FBXL2: variants seen among roughly 807,000 people sequenced by gnomAD.
FBXL2 encodes the protein F-box and leucine rich repeat protein 2.
Under a neutral mutation model 69.2 loss-of-function variants are expected in FBXL2, and 38 were observed. The ratio of observed to expected loss-of-function variants is 0.55; its 90% confidence interval spans 0.42 to 0.72. The LOEUF is 0.72. FBXL2 is among the 30% of genes least tolerant of loss of function. FBXL2 has a pLI of 0.00. For synonymous variants in FBXL2, 192 were observed against 201.3 expected (o/e 0.95, Z 0.39); for missense variants, 354 against 520.3 (o/e 0.68, Z 3.11).
At chr3:33,412,336 GAAAAAAATAA>G in the FBXL2 span, among the ~76,000 whole-genome samples, 2 of 151,462 alleles carry the variant, frequency 1.3e-5, no homozygotes, top group East Asian at 3.9e-4. Flanking sequence ...ACGAGGATGG[GAAAAAAATAA>G]AAAGAAAATA....
At chr3:33,422,133 T>C in the FBXL2 span, among the ~76,000 whole-genome samples, 2 of 152,232 alleles carry the variant, frequency 1.3e-5, no homozygotes, top group Non-Finnish European at 2.9e-5. Context: ...TTTGTTTGTC[T>C]TATTACTTTA....
chr3:33,364,596 T>G, intron 4 of FBXL2, 29 bp from the exon 5 acceptor site: 1 of 1,595,044 alleles, frequency 6.3e-7, no homozygotes, highest in South Asian at 1.1e-5. Context: ...AAAACAGTAT[T>G]TTTTCCTCCC....
Position 33,384,084 on chromosome 3 carries a change from C to T in FBXL2, c.1047C>T (p.Asp349=). The T allele has an allele frequency of 1.2e-6, 2 of 1,614,170 alleles. No individual in the cohort carries two copies. Among genetic ancestry groups the T allele is most frequent in the African/African-American group, 2.7e-5 (2 of 75,040 alleles). The change falls in exon 14 of 15, where the codon GAC becomes GAT. Residue 349 remains aspartate, a synonymous_variant. Coordinates refer to ENST00000484457, the MANE Select transcript of FBXL2 (RefSeq NM_012157.5). ...AGAGGCTGCGGGTACTGGAGTTGGACAACTGCCTCCTCATCACTGATGTGG... is the reference window on the plus strand; with the variant it reads ...AGAGGCTGCGGGTACTGGAGTTGGATAACTGCCTCCTCATCACTGATGTGG... ...GHERLRVLEL[D]NCLLITDVAL...
intron 13 of FBXL2, among the ~76,000 whole-genome samples, chr3:33,381,977 G>C (rs190800724): frequency 6.6e-6 from 1 of 152,138 alleles, no homozygotes; most frequent in African/African-American, 2.4e-5. Flanking sequence ...CCCTTCCCTC[G>C]AGGTGGTACT....
intron 2 of FBXL2, among the ~76,000 whole-genome samples, chr3:33,345,734 CAGAA>C (rs1459033909): frequency 2.6e-5 from 4 of 152,060 alleles, no homozygotes; most frequent in Admixed American, 1.3e-4. Flanking sequence ...AAATCAATAA[CAGAA>C]AGCCAAAAAT....
Position 33,396,341 on chromosome 3 carries a change from ATATGACAACTACAGGAATC to A in FBXL2, n.1215-6890_1215-6872del, listed in dbSNP as rs1270041642. 4.1e-6 allele frequency: 5 copies of A among 1,225,566 alleles called. No individual in the cohort carries two copies. The African/African-American group carries it at 7.5e-5, about 18-fold the overall frequency. The allele number at this position is 1,225,566 out of a possible 1,614,324, so 75.9% of individuals were successfully genotyped here. On this transcript the variant is annotated intron_variant and non_coding_transcript_variant, in intron 12 of 12. Transcript: ENST00000463736. Reference sequence around the variant, plus strand: ...AGAAAGCTGCCTTACACATGTACAAATATGACAACTACAGGAATCTAAGTTCTATTTCCTTATGAGAACT... The same window carrying A: ...AGAAAGCTGCCTTACACATGTACAAATAAGTTCTATTTCCTTATGAGAACT...
intron 2 of FBXL2, among the ~76,000 whole-genome samples, chr3:33,298,826 C>T (rs775785417): frequency 4.6e-5 from 7 of 151,398 alleles, no homozygotes; most frequent in Non-Finnish European, 1.0e-4. Flanking sequence ...TCTCTTATCA[C>T]TGATACTCCA....
downstream of FBXL2, chr3:33,390,345 T>A: frequency 6.2e-7 from 1 of 1,614,182 alleles, no homozygotes; most frequent in Middle Eastern, 1.6e-4. Flanking sequence ...TTCAAAATTA[T>A]GTGGATGCCA....
the FBXL2 span, among the ~76,000 whole-genome samples, chr3:33,416,396 A>G: frequency 1.1e-4 from 17 of 152,190 alleles, no homozygotes; most frequent in East Asian, 3.9e-4. Flanking sequence ...AGAGATTTCT[A>G]TTTTTTAAAT....
At chr3:33,361,440 G>A (rs767453058) in intron 4 of FBXL2, among the ~76,000 whole-genome samples, 1 of 152,138 alleles carries the variant, frequency 6.6e-6, no homozygotes, top group Non-Finnish European at 1.5e-5. Context: ...GAGCCCAGGG[G>A]GCAGAGGTTG....
At chr3:33,400,799 C>T (rs906114467) in intron 12 of FBXL2, among the ~76,000 whole-genome samples, 2 of 152,134 alleles carry the variant, frequency 1.3e-5, no homozygotes, top group African/African-American at 4.8e-5. Flanking sequence ...AAAAAATGTA[C>T]TCTACTCAGG....
intron 2 of FBXL2, among the ~76,000 whole-genome samples, chr3:33,332,005 G>T (rs1420055576): frequency 1.3e-5 from 2 of 152,032 alleles, no homozygotes; most frequent in Non-Finnish European, 1.5e-5. Context: ...AATAGTGGCT[G>T]CAATTTTTTA....
intron 1 of FBXL2, among the ~76,000 whole-genome samples, chr3:33,287,597 T>A (rs917167987): frequency 7.9e-5 from 12 of 152,142 alleles, no homozygotes; most frequent in African/African-American, 2.9e-4. Context: ...CACTTCATCC[T>A]CCCAAAGTGC....
chr3:33,417,826 T>A, the FBXL2 span, among the ~76,000 whole-genome samples: 1 of 152,158 alleles, frequency 6.6e-6, no homozygotes, highest in Non-Finnish European at 1.5e-5. Context: ...TTGTCCATAC[T>A]CCCAGGGGGC....
chr3:33,301,712 C>G (rs1053592644), intron 2 of FBXL2, among the ~76,000 whole-genome samples: 4 of 152,304 alleles, frequency 2.6e-5, no homozygotes, highest in Admixed American at 6.5e-5. Flanking sequence ...CATAGCCCAA[C>G]AAACAGCTTT....
At chr3:33,286,727 C>G (rs933197862) in intron 1 of FBXL2, among the ~76,000 whole-genome samples, 3 of 152,232 alleles carry the variant, frequency 2.0e-5, no homozygotes, top group Non-Finnish European at 4.4e-5. Context: ...CTACTCAAGC[C>G]TCAGCAATGG....
rs535627719 is a variant in FBXL2 at position 33,325,866 on chromosome 3, T to C, written c.65+28141T>C. Reference sequence around the variant, plus strand: ...AACCCAGCCATAAAAATTTCTATTCTCTACCAAAAAATATAATGATTGCAA... The same window carrying C: ...AACCCAGCCATAAAAATTTCTATTCCCTACCAAAAAATATAATGATTGCAA... On this transcript the variant is annotated intron_variant, in intron 2 of 14. Coordinates refer to ENST00000484457, the MANE Select transcript of FBXL2 (RefSeq NM_012157.5). 6.8e-3 allele frequency among the ~76,000 whole-genome samples: 1,042 copies of C among 152,276 alleles called. 3 individuals are homozygous for C. Among genetic ancestry groups the C allele is most frequent in the Middle Eastern group, 0.014 (4 of 294 alleles).
At chr3:33,347,641 G>A (rs1478664386) in intron 2 of FBXL2, among the ~76,000 whole-genome samples, 1 of 152,164 alleles carries the variant, frequency 6.6e-6, no homozygotes, top group Non-Finnish European at 1.5e-5. Flanking sequence ...CCCACCAACA[G>A]TGTGTGAGGG....
chr3:33,303,992 A>G (rs979571571), intron 2 of FBXL2, among the ~76,000 whole-genome samples: 1 of 151,922 alleles, frequency 6.6e-6, no homozygotes, highest in Non-Finnish European at 1.5e-5. Context: ...GGGAATATAA[A>G]CTGTAGCAGC....
Sources: gnomAD v4.1 joint callset for allele counts (sites outside exome capture counted in the v4.1 genomes callset) on GRCh38, gnomAD v4.1.1 for gene constraint, MANE v1.5 for transcripts, NCBI Gene and HGNC (gene_info 2026-07-23, HGNC 2026-07-21) for gene names.